Variants in CEACAM20 observed in about 807,000 individuals in gnomAD.
CEACAM20 encodes CEA cell adhesion molecule 20.
In CEACAM20, 50 loss-of-function variants were observed where a neutral mutation model predicts 61.2. That is an observed-to-expected ratio of 0.82 (90% CI 0.65 to 1.03). The LOEUF (loss-of-function observed/expected upper bound fraction) is 1.03. Among genes scored for constraint, CEACAM20 ranks in the 50% least tolerant of loss-of-function variants. CEACAM20 has a pLI of 0.00. For missense variants in CEACAM20, 683 were observed against 736.4 expected (o/e 0.93, Z 0.84); for synonymous variants, 282 against 287.7 (o/e 0.98, Z 0.20).
chr19:44,510,934 T>G, intron 11 of CEACAM20, 96 bp downstream of exon 11: 2 of 1,458,780 alleles, frequency 1.4e-6, no homozygotes, highest in Non-Finnish European at 1.9e-6. Context: ...GAAATTTTTC[T>G]TCATAGTTCA....
At chr19:44,519,839 C>G (rs546758124) in intron 5 of CEACAM20, among the ~76,000 whole-genome samples, 3 of 152,338 alleles carry the variant, frequency 2.0e-5, no homozygotes, top group African/African-American at 7.2e-5. Flanking sequence ...CTTCCACAGG[C>G]TGCACCCTGC....
rs764046537 is a variant in CEACAM20 at position 44,511,978 on chromosome 19, C to T, written c.1575+39G>A. The T allele has an allele frequency of 9.5e-6, 15 of 1,573,894 alleles. No individual in the cohort carries two copies. The African/African-American group carries it at 1.9e-4, about 20-fold the overall frequency. On this transcript the variant is annotated intron_variant, in intron 9 of 11. Transcript: ENST00000614924. Reference sequence around the variant, plus strand: ...AGAAGTAAGACTATAGCAGCCTGGTCAGGGGATCAAGGAGGGTTCCCTCTG... The same window carrying T: ...AGAAGTAAGACTATAGCAGCCTGGTTAGGGGATCAAGGAGGGTTCCCTCTG...
chr19:44,519,320 T>C (rs545369125), intron 5 of CEACAM20, among the ~76,000 whole-genome samples: 55 of 152,270 alleles, frequency 3.6e-4, no homozygotes, highest in Non-Finnish European at 6.2e-4. Context: ...ATGTCAAGTA[T>C]CAAATGCCCA....
intron 4 of CEACAM20, among the ~76,000 whole-genome samples, chr19:44,522,144 G>A (rs541302976): frequency 4.6e-5 from 7 of 150,902 alleles, no homozygotes; most frequent in East Asian, 2.0e-4. Context: ...TTGCTCTGTC[G>A]CCCAGGCTGG....
At chr19:44,519,499 T>C (rs2123603623) in intron 5 of CEACAM20, among the ~76,000 whole-genome samples, 1 of 152,234 alleles carries the variant, frequency 6.6e-6, no homozygotes, top group Non-Finnish European at 1.5e-5. Context: ...AGTGCACCCC[T>C]CCTTTCTCTC....
intron 4 of CEACAM20, among the ~76,000 whole-genome samples, chr19:44,521,149 TTTGTG>T (rs1971354622): frequency 6.6e-6 from 1 of 152,084 alleles, no homozygotes; most frequent in Admixed American, 6.6e-5. Context: ...TGTGGTATTG[TTTGTG>T]TTATGTGTTT....
rs1971009820 is a variant in CEACAM20 at position 44,511,832 on chromosome 19, G to A, written c.1576-160C>T. Among the ~76,000 whole-genome samples, 5 of 152,078 alleles carry A rather than the reference G, an allele frequency of 3.3e-5. No homozygotes were observed. The South Asian group carries it at 1.0e-3, about 32-fold the overall frequency. Reference sequence around the variant, plus strand: ...GTCATGTCAAAGAATAAGAAGACGAGGAGAAGAGATGAAAAAACCCGGGAG... The same window carrying A: ...GTCATGTCAAAGAATAAGAAGACGAAGAGAAGAGATGAAAAAACCCGGGAG... On this transcript the variant is annotated intron_variant, in intron 9 of 11. Transcript: ENST00000614924.
chr19:44,524,971 G>A (rs1438691121), intron 2 of CEACAM20, 130 bp downstream of exon 2: 5 of 1,163,728 alleles, frequency 4.3e-6, no homozygotes, highest in Non-Finnish European at 6.1e-6. Context: ...ACAGCTGACT[G>A]AACCAGTTGT....
At chr19:44,523,855 A>T (rs1345975593) in intron 3 of CEACAM20, 131 bp downstream of exon 3, 1 of 1,014,238 alleles carries the variant, frequency 9.9e-7, no homozygotes, top group Non-Finnish European at 1.4e-6. Context: ...TAGAGATGTC[A>T]AACAGTTATA....
chr19:44,507,686 C>A (rs1246588736), intron 11 of CEACAM20, among the ~76,000 whole-genome samples: 3 of 152,142 alleles, frequency 2.0e-5, no homozygotes, highest in Non-Finnish European at 4.4e-5. Flanking sequence ...GAACTACATT[C>A]AAAGGGTTTA....
chr19:44,528,145 T>TTTTC (rs1240227084), intron 1 of CEACAM20, among the ~76,000 whole-genome samples: 1 of 134,004 alleles, frequency 7.5e-6, no homozygotes, highest in East Asian at 2.4e-4. Context: ...TCTTTCTTTC[T>TTTTC]TTTCTTTCTT....
intron 6 of CEACAM20, among the ~76,000 whole-genome samples, chr19:44,516,141 C>A (rs2123583250): frequency 6.6e-6 from 1 of 152,256 alleles, no homozygotes; most frequent in Admixed American, 6.5e-5. Context: ...GGATGTGAAT[C>A]CCAGTGAACA....
chr19:44,514,575 A>G (rs1971100238), intron 6 of CEACAM20, among the ~76,000 whole-genome samples: 1 of 151,696 alleles, frequency 6.6e-6, no homozygotes, highest in Admixed American at 6.6e-5. Context: ...CACCCTCCCA[A>G]GTAGCTGGAA....
chr19:44,525,864 C>T (rs1048536609), intron 1 of CEACAM20, among the ~76,000 whole-genome samples: 5 of 152,184 alleles, frequency 3.3e-5, no homozygotes, highest in African/African-American at 1.2e-4. Context: ...GACTGGGTCC[C>T]CTGATAGTCA....
intron 3 of CEACAM20, among the ~76,000 whole-genome samples, chr19:44,523,381 C>G (rs1018867617): frequency 6.6e-6 from 1 of 151,822 alleles, no homozygotes. Context: ...TGCACTCCAG[C>G]CTGGACAGCA....
chr19:44,518,067 C>A (rs1971223292), intron 5 of CEACAM20, among the ~76,000 whole-genome samples: 1 of 130,354 alleles, frequency 7.7e-6, no homozygotes, highest in South Asian at 2.4e-4. Flanking sequence ...TAGAGTGAGA[C>A]TCAAAAGGAA....
intron 1 of CEACAM20, among the ~76,000 whole-genome samples, chr19:44,526,324 CAT>C (rs1477326345): frequency 6.6e-6 from 1 of 151,704 alleles, no homozygotes; most frequent in African/African-American, 2.4e-5. Flanking sequence ...GCCTGGGCAA[CAT>C]AGTGAAGCTC....
At chr19:44,511,257 T>C (rs1970991045) in intron 10 of CEACAM20, 102 bp from the exon 11 acceptor site, 1 of 1,482,646 alleles carries the variant, frequency 6.7e-7, no homozygotes. Context: ...AGGAATCTGT[T>C]CAGGTTCTTG....
intron 10 of CEACAM20, among the ~76,000 whole-genome samples, 194 bp downstream of exon 10, chr19:44,511,443 C>T (rs906948888): frequency 1.3e-5 from 2 of 152,166 alleles, no homozygotes; most frequent in East Asian, 1.9e-4. Flanking sequence ...GTGGAAGGAA[C>T]GAAAGAGGAT....
Sources: allele counts gnomAD v4.1 joint callset (sites outside exome capture counted in the v4.1 genomes callset), GRCh38; gene constraint gnomAD v4.1.1; transcripts MANE v1.5; gene names NCBI Gene and HGNC (gene_info 2026-07-23, HGNC 2026-07-21).